The following IREB2 variants were observed in gnomAD, a reference collection of about 807,000 sequenced individuals.
IREB2 encodes the protein iron responsive element binding protein 2, also known as iron-responsive element-binding protein 2.
Under a neutral mutation model 118.8 loss-of-function variants are expected in IREB2, and 39 were observed. The ratio of observed to expected loss-of-function variants is 0.33; its 90% CI spans 0.25 to 0.43. The LOEUF (loss-of-function observed/expected upper bound fraction) is 0.43. Among genes scored for constraint, IREB2 ranks in the 20% least tolerant of loss-of-function variants. IREB2 has a pLI of 1.00. For synonymous variants in IREB2, 372 were observed against 392.2 expected (o/e 0.95, Z 0.61); for missense variants, 900 against 1,147.3 (o/e 0.78, Z 3.11).
chr15:78,471,749 A>G lies in IREB2; in HGVS notation c.708A>G (p.Ser236=), dbSNP rs768846609. The G allele has an allele frequency of 6.3e-7, 1 of 1,596,576 alleles. No individual in the cohort carries two copies. The highest frequency in any genetic ancestry group is 8.5e-7 in the Non-Finnish European group (1 of 1,171,474). The change falls in exon 7 of 22, where the codon TCA becomes TCG. Residue 236 remains serine (S), a synonymous_variant. Coordinates refer to ENST00000258886, the MANE Select transcript of IREB2 (RefSeq NM_004136.4). ...ATTTAAACAAAATATAGTGGAGTTC[A>G]AGAGTTTTTAAGAATGTGGCAGTGA... ...RERLQFFKWS[S]RVFKNVAVIP... is the part of the protein sequence containing the mutation.
chr15:78,454,276 A>G (rs2141462476), intron 2 of IREB2, among the ~76,000 whole-genome samples: 2 of 152,358 alleles, frequency 1.3e-5, no homozygotes, highest in Non-Finnish European at 2.9e-5. Context: ...ATTGAAACCA[A>G]CTTAAATGTC....
chr15:78,456,725 T>C (rs2051111961), intron 2 of IREB2, among the ~76,000 whole-genome samples: 1 of 152,110 alleles, frequency 6.6e-6, no homozygotes, highest in Non-Finnish European at 1.5e-5. Flanking sequence ...TATTTGATAA[T>C]TGCTTTTTAA....
chr15:78,487,600 T>G (rs1053290950), intron 13 of IREB2, 133 bp from the exon 14 acceptor site: 1 of 573,628 alleles, frequency 1.7e-6, no homozygotes, highest in African/African-American at 1.9e-5. Flanking sequence ...AATATATTGA[T>G]GAAGGTTAAT....
chr15:78,473,888 TTTAA>T (rs1475744287), intron 8 of IREB2: 1 of 152,298 alleles, frequency 6.6e-6, no homozygotes, highest in African/African-American at 2.4e-5. Flanking sequence ...TTGTGTCGTC[TTTAA>T]TTAAATTATT....
Position 78,499,695 on chromosome 15 carries a change from T to C in IREB2, c.*1552T>C, listed in dbSNP as rs1385706582. The C allele has an allele frequency of 6.6e-6, 1 of 152,234 alleles. No individual in the cohort carries two copies. The highest frequency in any genetic ancestry group is 1.9e-4 in the East Asian group (1 of 5,202). 9.4% of individuals were successfully genotyped at this position (152,234 alleles called of 1,614,324 possible). ...TCTTCGACACTTTCAAATTATATTG[T>C]GTTCTTGATATATGCTGTATATTTA... On this transcript the variant is annotated 3_prime_UTR_variant, in exon 22 of 22. Transcript: ENST00000258886.
chr15:78,462,845 C>CT, intron 2 of IREB2, 77 bp from the exon 3 acceptor site: 1 of 1,177,308 alleles, frequency 8.5e-7, no homozygotes, highest in Non-Finnish European at 1.2e-6. Context: ...CTTTGTCTAA[C>CT]TTTTTGCTAT....
chr15:78,452,237 C>T (rs977294298), intron 2 of IREB2, among the ~76,000 whole-genome samples: 3 of 151,982 alleles, frequency 2.0e-5, no homozygotes, highest in African/African-American at 7.3e-5. Context: ...GATGGTGGTG[C>T]TATTTACTGT....
Position 78,438,253 on chromosome 15 carries a change from T to A in IREB2, c.-85T>A. The A allele has an allele frequency of 1.9e-6, 2 of 1,069,112 alleles. No individual in the cohort carries two copies. Among genetic ancestry groups the A allele is most frequent in the Non-Finnish European group, 2.8e-6 (2 of 705,956 alleles). 66.2% of individuals were successfully genotyped at this position (1,069,112 alleles called of 1,614,324 possible). ...TTCTTTCCTCCCTTGCCAGTCCGCC[T>A]GTCTTCCTCCCCGTCTTCCCTGCCC... On this transcript the variant is annotated 5_prime_UTR_variant, in exon 1 of 22. Coordinates refer to ENST00000258886, the MANE Select transcript of IREB2 (RefSeq NM_004136.4).
Position 78,451,807 on chromosome 15 carries a change from C to G in IREB2, c.107-11115C>G, listed in dbSNP as rs1051930294. ...AGTTCAAGCGATTCTCCTGCCTCAG[C>G]CTTCCTAGTAGCTGGAACTACAGGT... On this transcript the variant is annotated intron_variant, in intron 2 of 21. Transcript: ENST00000258886. Among the ~76,000 whole-genome samples the G allele has an allele frequency of 8.5e-5, 13 of 152,138 alleles. No individual in the cohort carries two copies. In the East Asian group the frequency reaches 1.3e-3, roughly 16 times the overall value.
At chr15:78,458,297 A>T (rs922083523) in intron 2 of IREB2, among the ~76,000 whole-genome samples, 2 of 152,168 alleles carry the variant, frequency 1.3e-5, no homozygotes, top group African/African-American at 4.8e-5. Flanking sequence ...GGTTGGGGTG[A>T]TTGTGATATG....
chr15:78,482,906 C>A (rs1403420560), intron 10 of IREB2, among the ~76,000 whole-genome samples: 1 of 152,120 alleles, frequency 6.6e-6, no homozygotes, highest in Non-Finnish European at 1.5e-5. Flanking sequence ...CACCACCACG[C>A]CCGGCTAATT....
At chr15:78,491,853 AGTG>A (rs1327922238) in intron 18 of IREB2, among the ~76,000 whole-genome samples, 1 of 152,224 alleles carries the variant, frequency 6.6e-6, no homozygotes, top group African/African-American at 2.4e-5. Flanking sequence ...TTTATTATAA[AGTG>A]GTGAGAAATA....
intron 6 of IREB2, 98 bp from the exon 7 acceptor site, chr15:78,471,643 C>A: frequency 1.5e-6 from 1 of 649,872 alleles, no homozygotes; most frequent in Non-Finnish European, 2.5e-6. Flanking sequence ...CCATATTGAA[C>A]ATTAGTTAAA....
chr15:78,480,145 T>TA (rs2051541837), intron 10 of IREB2: 1 of 152,180 alleles, frequency 6.6e-6, no homozygotes, highest in South Asian at 2.1e-4. Flanking sequence ...ACATAGTAGA[T>TA]ATTCAGTAAA....
intron 5 of IREB2, among the ~76,000 whole-genome samples, chr15:78,467,208 C>CA (rs377224708): frequency 0.59 from 58,522 of 99,742 alleles, 15,658 homozygotes; most frequent in Non-Finnish European, 0.66. Flanking sequence ...GAGACTGTCG[C>CA]AAAAAAAAAA....
chr15:78,439,922 A>T, intron 2 of IREB2, 41 bp downstream of exon 2: 1 of 1,183,232 alleles, frequency 8.5e-7, no homozygotes, highest in Non-Finnish European at 1.2e-6. Context: ...TTTAGTCTCT[A>T]ATAATGAAAA....
chr15:78,487,192 ACAAT>A (rs10599003), intron 13 of IREB2, among the ~76,000 whole-genome samples: 141,074 of 151,944 alleles, frequency 0.93, 66,394 homozygotes, highest in Non-Finnish European at 1. Context: ...GTGCCCAATT[ACAAT>A]CAATGCCTCT....
rs1259540187 is a variant in IREB2, at chr15:78,487,804, A to G, written c.1781A>G (p.Asn594Ser). ...NTAPLSDAVL[N>S]AVKQGDLVTC... is the part of the protein sequence containing the mutation. Reference sequence around the variant, plus strand: ...GCACCCTTATCAGACGCAGTTTTAAATGCAGTAAAACAGGTAAAATGTGTG... The same window carrying G: ...GCACCCTTATCAGACGCAGTTTTAAGTGCAGTAAAACAGGTAAAATGTGTG... The change falls in exon 14 of 22, where the codon AAT (asparagine) becomes AGT (serine). Residue 594 changes from asparagine to serine, a missense_variant. Asn to Ser is a conservative substitution (Grantham distance 46). Coordinates refer to ENST00000258886, the MANE Select transcript of IREB2 (RefSeq NM_004136.4). 1.9e-6 allele frequency: 3 copies of G among 1,594,716 alleles called. No individual in the cohort carries two copies. The highest frequency in any genetic ancestry group is 1.7e-6 in the Non-Finnish European group (2 of 1,162,702).
intron 2 of IREB2, among the ~76,000 whole-genome samples, chr15:78,449,135 ATATCT>A (rs1250825572): frequency 2.0e-5 from 3 of 152,198 alleles, no homozygotes; most frequent in African/African-American, 7.2e-5. Flanking sequence ...TCTTAAACTC[ATATCT>A]TCTGATTTCA....
Sources: gnomAD v4.1 joint callset for allele counts (sites outside exome capture counted in the v4.1 genomes callset) on GRCh38, gnomAD v4.1.1 for gene constraint, MANE v1.5 for transcripts, NCBI Gene and HGNC (gene_info 2026-07-23, HGNC 2026-07-21) for gene names.